MAFK: variants seen among roughly 807,000 people sequenced by gnomAD.
MAFK encodes the protein MAF bZIP transcription factor K.
In MAFK, 1 loss-of-function variant was observed where a neutral mutation model predicts 9.2. The observed-to-expected ratio is 0.11, with a 90% CI of 0.04 to 0.52. MAFK has a LOEUF of 0.52. Among genes scored for constraint, MAFK ranks in the 20% least tolerant of loss-of-function variants. The pLI, the probability that MAFK is intolerant of heterozygous loss-of-function variation, is 0.94. For synonymous variants in MAFK, 110 were observed against 107.4 expected (o/e 1.02, Z -0.15); for missense variants, 207 against 236.0 (o/e 0.88, Z 0.81).
In MAFK at chr7:1,540,414, G is replaced by A. The variant is rs181353243; in HGVS notation, c.*39G>A. ...CGGGGGGTGGCGGGCGGCGGGCGGC[G>A]GGCAGGCGGGTGGGGGCACACCCCT... is the stretch of plus-strand genomic sequence containing the variant. On this transcript the variant is annotated 3_prime_UTR_variant, in exon 3 of 3. Transcript: ENST00000343242. 6,550 of 1,311,480 alleles carry A rather than the reference G, an allele frequency of 5.0e-3. 369 individuals are homozygous for A. The African/African-American group carries it at 0.089, about 18-fold the overall frequency. 81.2% of individuals were successfully genotyped at this position (1,311,480 alleles called of 1,614,324 possible).
chr7:1,533,941 C>T (rs956392200), intron 1 of MAFK: 18 of 283,074 alleles, frequency 6.4e-5, no homozygotes, highest in Middle Eastern at 1.4e-3. Context: ...GGAGCCAGGG[C>T]GGGGACTGGA....
At chr7:1,537,287 G>A (rs1583200024) in intron 1 of MAFK, 1 of 751,876 alleles carries the variant, frequency 1.3e-6, no homozygotes, top group East Asian at 1.3e-4. Context: ...GGGCCCGGGG[G>A]CCCAGGAGCG....
intron 1 of MAFK, chr7:1,537,774 G>GA (rs749780024): frequency 5.6e-6 from 5 of 896,988 alleles, no homozygotes; most frequent in Non-Finnish European, 5.3e-6. Flanking sequence ...CTGGAGGGTG[G>GA]AGGGATTTGG....
intron 1 of MAFK, 110 bp from the exon 2 acceptor site, chr7:1,539,039 G>A: frequency 1.2e-6 from 1 of 821,928 alleles, no homozygotes; most frequent in East Asian, 2.6e-5. Context: ...TCATGGTGCT[G>A]TGACTGTCCA....
Position 1,540,557 on chromosome 7 carries a change from G to A in MAFK, c.*182G>A. On this transcript the variant is annotated 3_prime_UTR_variant, in exon 3 of 3. Coordinates refer to ENST00000343242, the MANE Select transcript of MAFK (RefSeq NM_002360.4). ...GCAGGGTGAAGAGTGGGCTCCCGTG[G>A]GCCCAGAGCTGCACGCCGGTCCACA... is the stretch of plus-strand genomic sequence containing the variant. The A allele has an allele frequency of 3.1e-6, 2 of 648,800 alleles. No individual in the cohort carries two copies. The highest frequency in any genetic ancestry group is 5.1e-6 in the Non-Finnish European group (2 of 392,554). 40.2% of individuals were successfully genotyped at this position (648,800 alleles called of 1,614,324 possible). A position where few individuals can be genotyped will look rare whatever the true frequency, so the allele number is the denominator to read the frequency against.
At position 1,539,995 on chromosome 7, in the gene MAFK, T is replaced by G. The variant is rs1399935605; in HGVS notation, c.91T>G (p.Ser31Ala). The G allele has an allele frequency of 1.3e-6, 2 of 1,556,768 alleles. No individual in the cohort carries two copies. Among genetic ancestry groups the G allele is most frequent in the Admixed American group, 1.9e-5 (1 of 51,830 alleles). The change falls in exon 3 of 3, where the codon TCC (serine) becomes GCC (alanine). Residue 31 changes from serine (S) to alanine (A), a missense_variant. Coordinates refer to ENST00000343242, the MANE Select transcript of MAFK (RefSeq NM_002360.4). ...GGTGCTCAGCGATGATGAGCTGGTGTCCATGTCGGTGCGGGAGCTGAACCA... is the reference window on the plus strand; with the variant it reads ...GGTGCTCAGCGATGATGAGCTGGTGGCCATGTCGGTGCGGGAGCTGAACCA... ...APVLSDDELV[S>A]MSVRELNQHL...
Position 1,534,856 on chromosome 7 carries a change from C to A in MAFK, c.-45+3958C>A. On this transcript the variant is annotated intron_variant, in intron 1 of 2. Coordinates refer to ENST00000343242, the MANE Select transcript of MAFK (RefSeq NM_002360.4). This position sits in a 1 kb window ranked among gnomAD's most constrained non-coding sequence, Gnocchi z 4.3. Reference sequence around the variant, plus strand: ...ATGGGCATCCACAGCCGGGACCGTTCAGAGGGGTCATCCAGCCGTCAGCTG... The same window carrying A: ...ATGGGCATCCACAGCCGGGACCGTTAAGAGGGGTCATCCAGCCGTCAGCTG... 1 of 324,408 alleles carries A rather than the reference C, an allele frequency of 3.1e-6. No homozygotes were observed. The highest frequency in any genetic ancestry group is 7.8e-5 in the East Asian group (1 of 12,770). 20.1% of individuals were successfully genotyped at this position (324,408 alleles called of 1,614,324 possible).
intron 1 of MAFK, chr7:1,537,705 G>A (rs1168868804): frequency 4.3e-5 from 42 of 985,502 alleles, no homozygotes; most frequent in African/African-American, 5.2e-5. Context: ...TCACCTGTGC[G>A]GCCCTCTTGT....
In MAFK at chr7:1,538,567, C is replaced by T. The variant is rs556474220; in HGVS notation, c.-44-582C>T. ...CAGGGGCTCCCCAGAGGCCCCCTCT[C>T]GGGGATCCAGGCTGGGTCCGGAGCA... On this transcript the variant is annotated intron_variant, in intron 1 of 2. Transcript: ENST00000343242. 16 of 451,696 alleles carry T rather than the reference C, an allele frequency of 3.5e-5. No individual in the cohort carries two copies. In the East Asian group the frequency reaches 4.7e-4, roughly 13 times the overall value. 28.0% of individuals were successfully genotyped at this position (451,696 alleles called of 1,614,324 possible). A position where few individuals can be genotyped will look rare whatever the true frequency, so the allele number is the denominator to read the frequency against.
In MAFK at chr7:1,540,484, C is replaced by T. The variant is rs969658598; in HGVS notation, c.*109C>T. 12 of 1,134,098 alleles carry T rather than the reference C, an allele frequency of 1.1e-5. No homozygotes were observed. Among genetic ancestry groups the T allele is most frequent in the South Asian group, 6.5e-5 (4 of 61,630 alleles). 70.3% of individuals were successfully genotyped at this position (1,134,098 alleles called of 1,614,324 possible). A position where few individuals can be genotyped will look rare whatever the true frequency, so the allele number is the denominator to read the frequency against. ...CAGACTCTCGACATCCGAGTCCAAG[C>T]GCAGGCCCCTCGGGCGCAGGCAGCT... On this transcript the variant is annotated 3_prime_UTR_variant, in exon 3 of 3. Transcript: ENST00000343242.
At chr7:1,531,004 G>T (rs1783891306) in intron 1 of MAFK, 106 bp downstream of exon 1, 1 of 146,836 alleles carries the variant, frequency 6.8e-6, no homozygotes, top group African/African-American at 2.5e-5. Flanking sequence ...GGGGGCGCGG[G>T]CCGAGGGTGG....
In MAFK at chr7:1,534,614, G is replaced by T. The variant is rs762845673; in HGVS notation, c.-45+3716G>T. 6 of 456,016 alleles carry T rather than the reference G, an allele frequency of 1.3e-5. No individual in the cohort carries two copies. Among genetic ancestry groups the T allele is most frequent in the Non-Finnish European group, 2.6e-5 (6 of 226,806 alleles). The allele number at this position is 456,016 out of a possible 1,614,324, so 28.2% of individuals were successfully genotyped here. A position where few individuals can be genotyped will look rare whatever the true frequency, so the allele number is the denominator to read the frequency against. Reference sequence around the variant, plus strand: ...CCGCATCCCACATCCTCGGAGACCCGCGGAGAATAGAAGTGGAAGGGCCAC... The same window carrying T: ...CCGCATCCCACATCCTCGGAGACCCTCGGAGAATAGAAGTGGAAGGGCCAC... On this transcript the variant is annotated intron_variant, in intron 1 of 2. Transcript: ENST00000343242. The surrounding 1 kb of genome is among the most constrained non-coding windows in gnomAD (Gnocchi z 4.3).
At position 1,540,572 on chromosome 7, in the gene MAFK, G is replaced by C. The variant is rs562117228; in HGVS notation, c.*197G>C. On this transcript the variant is annotated 3_prime_UTR_variant, in exon 3 of 3. Transcript: ENST00000343242. ...GGCTCCCGTGGGCCCAGAGCTGCAC[G>C]CCGGTCCACAGACACACTCACGCCC... The C allele has an allele frequency of 2.9e-4, 175 of 596,708 alleles. 1 individual carries two copies. The highest frequency in any genetic ancestry group is 9.6e-4 in the Admixed American group (28 of 29,140). The allele number at this position is 596,708 out of a possible 1,614,324, so 37.0% of individuals were successfully genotyped here.
At chr7:1,533,982 C>G (rs1000587956) in intron 1 of MAFK, 3 of 346,628 alleles carry the variant, frequency 8.7e-6, no homozygotes, top group African/African-American at 6.4e-5. Flanking sequence ...AGTCTGCTCT[C>G]TGCTGCTGCA....
rs1272875145 is a variant in MAFK, at chr7:1,539,186, C to A, written c.-7C>A. ...GGGAGCTCTGTCCTGGTGACCGTGCCCGGGTTATGACGACTAATCCCAAAC... is the reference window on the plus strand; with the variant it reads ...GGGAGCTCTGTCCTGGTGACCGTGCACGGGTTATGACGACTAATCCCAAAC... On this transcript the variant is annotated 5_prime_UTR_variant, in exon 2 of 3. Transcript: ENST00000343242. 6.2e-7 allele frequency: 1 copy of A among 1,612,890 alleles called. No homozygotes were observed. Among genetic ancestry groups the A allele is most frequent in the East Asian group, 2.2e-5 (1 of 44,838 alleles).
chr7:1,539,924 G>A lies in MAFK; in HGVS notation c.37-17G>A, dbSNP rs1359381312. 12 of 1,508,240 alleles carry A rather than the reference G, an allele frequency of 8.0e-6. No homozygotes were observed. Among genetic ancestry groups the A allele is most frequent in the African/African-American group, 2.8e-5 (2 of 72,158 alleles). 93.4% of individuals were successfully genotyped at this position (1,508,240 alleles called of 1,614,324 possible). A position where few individuals can be genotyped will look rare whatever the true frequency, so the allele number is the denominator to read the frequency against. The stretch of plus-strand genomic sequence containing the variant: ...CCCACGTTCTCCCGCCGCTGACCCC[G>A]CACTGTGGCCCCCCAGGTCAAGAAG... On this transcript the variant is annotated splice_polypyrimidine_tract_variant and intron_variant, in intron 2 of 2. Transcript: ENST00000343242.
chr7:1,537,631 C>T lies in MAFK; in HGVS notation c.-44-1518C>T, dbSNP rs1291583520. The T allele has an allele frequency of 9.1e-6, 9 of 985,498 alleles. No individual in the cohort carries two copies. In the Admixed American group the frequency reaches 1.8e-4, roughly 20 times the overall value. The allele number at this position is 985,498 out of a possible 1,614,324, so 61.0% of individuals were successfully genotyped here. Reference sequence around the variant, plus strand: ...TGCCATCCTGTGCCATCTACGTCAGCGCCCTGAGATCAGCTGGCCTTGGCA... The same window carrying T: ...TGCCATCCTGTGCCATCTACGTCAGTGCCCTGAGATCAGCTGGCCTTGGCA... On this transcript the variant is annotated intron_variant, in intron 1 of 2. Transcript: ENST00000343242.
rs1373572846 is a variant in MAFK at position 1,534,527 on chromosome 7, T to A, written c.-45+3629T>A. ...CTGTGCTGCTGGGTTTCTGAACCCGTGTCTCTCGCACAGAGCTCCCGTCCT... is the reference window on the plus strand; with the variant it reads ...CTGTGCTGCTGGGTTTCTGAACCCGAGTCTCTCGCACAGAGCTCCCGTCCT... On this transcript the variant is annotated intron_variant, in intron 1 of 2. Coordinates refer to ENST00000343242, the MANE Select transcript of MAFK (RefSeq NM_002360.4). The surrounding 1 kb of genome is among the most constrained non-coding windows in gnomAD (Gnocchi z 4.3). The A allele has an allele frequency of 8.8e-6, 4 of 452,952 alleles. No homozygotes were observed. The highest frequency in any genetic ancestry group is 6.0e-5 in the African/African-American group (3 of 50,088). The allele number at this position is 452,952 out of a possible 1,614,324, so 28.1% of individuals were successfully genotyped here.
At position 1,537,396 on chromosome 7, in the gene MAFK, A is replaced by G. The variant is rs558161373; in HGVS notation, c.-44-1753A>G. The G allele has an allele frequency of 3.3e-5, 33 of 985,510 alleles. No individual in the cohort carries two copies. The South Asian group carries it at 1.2e-3, about 36-fold the overall frequency. 61.0% of individuals were successfully genotyped at this position (985,510 alleles called of 1,614,324 possible). On this transcript the variant is annotated intron_variant, in intron 1 of 2. Coordinates refer to ENST00000343242, the MANE Select transcript of MAFK (RefSeq NM_002360.4). ...TAGCTATGTCGTGGCCGGCCTGTGC[A>G]CTGACGTGCTCGCAGTGGAGCTGGA...
Sources: gnomAD v4.1 joint callset for allele counts on GRCh38, gnomAD v4.1.1 for gene constraint, Gnocchi (gnomAD v3.1) non-coding constraint, MANE v1.5 for transcripts, NCBI Gene and HGNC (gene_info 2026-07-23, HGNC 2026-07-21) for gene names.